Variants in DIP2C observed in about 807,000 individuals in gnomAD.
DIP2C encodes disco-interacting protein 2 homolog C.
Under a neutral mutation model 192.4 loss-of-function variants are expected in DIP2C, and 33 were observed. The ratio of observed to expected loss-of-function variants is 0.17; its 90% CI spans 0.13 to 0.23. DIP2C has a LOEUF of 0.23. Ranked by LOEUF, DIP2C falls within the 10% of genes least tolerant of loss-of-function variation. The probability of loss-of-function intolerance (pLI) is 1.00; values close to 1 mark genes in which losing one functional copy is unlikely to be tolerated. For synonymous variants in DIP2C, 979 were observed against 864.1 expected (o/e 1.13, Z -2.33); for missense variants, 1,537 against 2,110.1 (o/e 0.73, Z 5.32).
chr10:491,566 G>A (rs1227620540), intron 1 of DIP2C, among the ~76,000 whole-genome samples: 1 of 152,176 alleles, frequency 6.6e-6, no homozygotes, highest in Non-Finnish European at 1.5e-5. Context: ...GACCTGGGAT[G>A]TCCTCTCACC....
At chr10:528,421 C>T (rs538750088) in intron 1 of DIP2C, among the ~76,000 whole-genome samples, 28 of 150,790 alleles carry the variant, frequency 1.9e-4, no homozygotes, top group African/African-American at 5.9e-4. Context: ...TCCCCCAGAA[C>T]GCAGACCGCC....
At chr10:473,326 G>GACACCACGGGAACAATATC (rs1438251585) in intron 2 of DIP2C, among the ~76,000 whole-genome samples, 1 of 152,156 alleles carries the variant, frequency 6.6e-6, no homozygotes, top group African/African-American at 2.4e-5. Context: ...GAACTACTCT[G>GACACCACGGGAACAATATC]ACACCACGGG....
intron 31 of DIP2C, among the ~76,000 whole-genome samples, chr10:311,364 C>T (rs558763440): frequency 6.1e-4 from 93 of 152,372 alleles, no homozygotes; most frequent in African/African-American, 1.9e-3. Flanking sequence ...GCGTCGGCTA[C>T]GCGTGAGGCC....
At chr10:575,938 G>A (rs1024483414) in intron 1 of DIP2C, among the ~76,000 whole-genome samples, 1 of 152,194 alleles carries the variant, frequency 6.6e-6, no homozygotes, top group South Asian at 2.1e-4. Flanking sequence ...GGATTTCAGT[G>A]GTTTTGTGTC....
intron 1 of DIP2C, among the ~76,000 whole-genome samples, chr10:580,938 T>C (rs1216914644): frequency 6.6e-6 from 1 of 151,502 alleles, no homozygotes; most frequent in Admixed American, 6.5e-5. Context: ...AAATTAGAAG[T>C]GTGTCCTCAT....
In DIP2C at chr10:636,215, C is replaced by T. The variant is rs931424905; in HGVS notation, c.85+53279G>A. Among the ~76,000 whole-genome samples the T allele has an allele frequency of 2.0e-5, 3 of 152,212 alleles. No individual in the cohort carries two copies. Among genetic ancestry groups the T allele is most frequent in the Admixed American group, 6.5e-5 (1 of 15,288 alleles). ...GAACACCAACGGCTCGTCGGCTCGTCGGCTCTTCCCGGCTGAACCCAAGGG... is the reference window on the plus strand; with the variant it reads ...GAACACCAACGGCTCGTCGGCTCGTTGGCTCTTCCCGGCTGAACCCAAGGG... On this transcript the variant is annotated intron_variant, in intron 1 of 36. Coordinates refer to ENST00000280886, the MANE Select transcript of DIP2C (RefSeq NM_014974.3). The surrounding 1 kb of genome is among the most constrained non-coding windows in gnomAD (Gnocchi z 4.6).
At chr10:605,694 A>C (rs1852409742) in intron 1 of DIP2C, among the ~76,000 whole-genome samples, 1 of 152,220 alleles carries the variant, frequency 6.6e-6, no homozygotes, top group Admixed American at 6.5e-5. Flanking sequence ...CTCCCTCAGA[A>C]CTACTCAATC....
intron 1 of DIP2C, among the ~76,000 whole-genome samples, chr10:535,279 C>T (rs1847636515): frequency 6.6e-6 from 1 of 151,852 alleles, no homozygotes; most frequent in South Asian, 2.1e-4. Flanking sequence ...GAGTCAGGGC[C>T]AGGGGTGGGG....
chr10:406,209 C>G (rs919005769), intron 9 of DIP2C, among the ~76,000 whole-genome samples: 1 of 152,210 alleles, frequency 6.6e-6, no homozygotes, highest in African/African-American at 2.4e-5. Flanking sequence ...AGGAGCTATT[C>G]CATTACAATT....
intron 1 of DIP2C, among the ~76,000 whole-genome samples, chr10:535,782 T>C (rs1369618464): frequency 6.6e-6 from 1 of 152,194 alleles, no homozygotes; most frequent in African/African-American, 2.4e-5. Context: ...ATAGGTTTGG[T>C]TCAAAGAATT....
intron 1 of DIP2C, among the ~76,000 whole-genome samples, chr10:552,371 G>T (rs1259367401): frequency 3.8e-4 from 58 of 152,216 alleles, no homozygotes; most frequent in Non-Finnish European, 1.6e-4. Flanking sequence ...TTTAGAAACA[G>T]AGTGAAGTCC....
At chr10:551,801 C>A (rs1848603549) in intron 1 of DIP2C, among the ~76,000 whole-genome samples, 1 of 152,232 alleles carries the variant, frequency 6.6e-6, no homozygotes, top group Non-Finnish European at 1.5e-5. Flanking sequence ...CAGAGCCAGG[C>A]TCTGGGGTTC....
intron 1 of DIP2C, among the ~76,000 whole-genome samples, chr10:685,143 A>C (rs1831264704): frequency 2.1e-5 from 1 of 48,164 alleles, no homozygotes; most frequent in African/African-American, 1.1e-4. Context: ...CCCAAAAAAA[A>C]AAAAAAAAAA....
At position 345,033 on chromosome 10, in the gene DIP2C, C is replaced by T; in HGVS notation, c.3309G>A (p.Val1103=). 1 of 1,613,472 alleles carries T rather than the reference C, an allele frequency of 6.2e-7. No individual in the cohort carries two copies. The highest frequency in any genetic ancestry group is 8.5e-7 in the Non-Finnish European group (1 of 1,179,904). The change falls in exon 27 of 37, where the codon GTG becomes GTA. Residue 1103 remains valine (V), a synonymous_variant. Transcript: ENST00000280886. The part of the protein sequence containing the change: ...LLRSREAAAA[V]DVRTWPLILD... ...GGATGAGGGGCCACGTCCTGACGTC[C>T]ACAGCCGCCGCCGCCTCCCTGGACC...
chr10:555,194 T>C (rs919519233), intron 1 of DIP2C, among the ~76,000 whole-genome samples: 1 of 130,940 alleles, frequency 7.6e-6, no homozygotes, highest in Non-Finnish European at 1.5e-5. Context: ...AGTATTATTT[T>C]TTTTTTTTCC....
At chr10:362,766 T>C (rs946103133) in intron 21 of DIP2C, 75 bp from the exon 22 acceptor site, 29 of 1,447,480 alleles carry the variant, frequency 2.0e-5, no homozygotes, top group Non-Finnish European at 2.4e-5. Context: ...ATGCAAAATA[T>C]GATCCACAAT....
At position 329,441 on chromosome 10, in the gene DIP2C, A is replaced by C; in HGVS notation, c.3745T>G (p.Ser1249Ala). 2 of 1,613,086 alleles carry C rather than the reference A, an allele frequency of 1.2e-6. No individual in the cohort carries two copies. Among genetic ancestry groups the C allele is most frequent in the Non-Finnish European group, 8.5e-7 (1 of 1,179,584 alleles). Residue 1249 changes from serine (S) to alanine (A), a missense_variant, in exon 30 of 37, where the codon TCC becomes GCC. Transcript: ENST00000280886. Reference protein sequence around the residue: ...CTKGLGSQTESLKARGLDLSR... With the variant: ...CTKGLGSQTEALKARGLDLSR... ...CCAAGGGAGCTGCTTACCTTGAGGG[A>C]CTCTGTTTGCGAGCCCAGCCCCTTG... is the stretch of plus-strand genomic sequence containing the variant.
chr10:597,824 C>T (rs1426939836), intron 1 of DIP2C, among the ~76,000 whole-genome samples: 1 of 152,148 alleles, frequency 6.6e-6, no homozygotes, highest in Non-Finnish European at 1.5e-5. Context: ...ACAGCTTACA[C>T]CCATGAGGTC....
In DIP2C at chr10:419,113, G is replaced by A. The variant is rs373279565; in HGVS notation, c.691C>T (p.Arg231Trp). 62 of 1,614,148 alleles carry A rather than the reference G, an allele frequency of 3.8e-5. No individual in the cohort carries two copies. Among genetic ancestry groups the A allele is most frequent in the East Asian group, 1.8e-4 (8 of 44,902 alleles). ...VERPQGSTGS[R>W]TAPKYGNAEL... ...GCGTTGCCGTACTTGGGCGCTGTCC[G>A]GGACCCCGTGGAACCCTGCGGTCTC... Residue 231 changes from arginine (R) to tryptophan (W), a missense_variant, in exon 6 of 37, where the codon CGG (arginine) becomes TGG (tryptophan). Around this residue, in one of 4 missense-constraint regions of DIP2C, gnomAD observed 473 missense variants for 539.6 expected, o/e 0.88. Transcript: ENST00000280886.
Sources: allele counts gnomAD v4.1 joint callset (sites outside exome capture counted in the v4.1 genomes callset), GRCh38; gene constraint gnomAD v4.1.1; regional missense constraint gnomAD v4.1.1; non-coding constraint Gnocchi (gnomAD v3.1); transcripts MANE v1.5; gene names NCBI Gene and HGNC (gene_info 2026-07-23, HGNC 2026-07-21).